EYA2: variants seen among roughly 807,000 people sequenced by gnomAD.
EYA2 encodes the protein EYA transcriptional coactivator and phosphatase 2.
Under a neutral mutation model 69.2 loss-of-function variants are expected in EYA2, and 31 were observed. That is an observed-to-expected ratio of 0.45 (90% CI 0.34 to 0.60). The LOEUF (loss-of-function observed/expected upper bound fraction) is 0.60. Ranked by LOEUF, EYA2 falls within the 20% of genes least tolerant of loss-of-function variation. EYA2 has a pLI of 0.02. For synonymous variants in EYA2, 257 were observed against 279.4 expected (o/e 0.92, Z 0.80); for missense variants, 622 against 701.2 (o/e 0.89, Z 1.28).
Position 47,026,732 on chromosome 20 carries a change from G to A in EYA2, c.415+10435G>A, listed in dbSNP as rs190993643. ...TAGATATAGGGTTATAGGGAGTGGT[G>A]GGAACTGTAGCAAATTAGAGACTAA... On this transcript the variant is annotated intron_variant, in intron 5 of 15. Coordinates refer to ENST00000327619, the MANE Select transcript of EYA2 (RefSeq NM_005244.5). Among the ~76,000 whole-genome samples the A allele has an allele frequency of 1.6e-3, 239 of 152,268 alleles. 1 individual carries two copies. The highest frequency in any genetic ancestry group is 5.6e-3 in the African/African-American group (231 of 41,536).
At chr20:47,173,625 G>A (rs2868849) in intron 12 of EYA2, among the ~76,000 whole-genome samples, 56,539 of 151,040 alleles carry the variant, frequency 0.37, 11,803 homozygotes, top group Non-Finnish European at 0.48. Flanking sequence ...TTGCTATGCT[G>A]CCCAGGCTGG....
chr20:47,101,493 CTG>C (rs2032421917), intron 9 of EYA2, among the ~76,000 whole-genome samples: 2 of 152,140 alleles, frequency 1.3e-5, no homozygotes, highest in African/African-American at 4.8e-5. Context: ...GCAAGGGAGT[CTG>C]TGAAATGTAC....
intron 1 of EYA2, among the ~76,000 whole-genome samples, chr20:46,968,641 G>T (rs181431829): frequency 3.3e-4 from 50 of 152,244 alleles, no homozygotes; most frequent in African/African-American, 1.2e-3. Context: ...TTGTTGTGGA[G>T]CTGTCCTGTG....
chr20:47,134,360 T>C (rs2033410697), intron 9 of EYA2, among the ~76,000 whole-genome samples: 1 of 152,158 alleles, frequency 6.6e-6, no homozygotes, highest in South Asian at 2.1e-4. Context: ...GCCAACACTT[T>C]CTCTTACAAG....
At chr20:46,987,805 T>C (rs1215362107) in intron 1 of EYA2, among the ~76,000 whole-genome samples, 3 of 151,156 alleles carry the variant, frequency 2.0e-5, no homozygotes, top group Non-Finnish European at 3.0e-5. Context: ...TGTGCACCTG[T>C]AATCTCAGCT....
At chr20:47,006,606 C>T (rs1284793098) in intron 4 of EYA2, among the ~76,000 whole-genome samples, 3 of 152,160 alleles carry the variant, frequency 2.0e-5, no homozygotes, top group Non-Finnish European at 2.9e-5. Flanking sequence ...ATACCTCTGC[C>T]CTGTTTGTTT....
At chr20:46,988,571 A>T (rs1360401658) in intron 1 of EYA2, among the ~76,000 whole-genome samples, 2 of 152,252 alleles carry the variant, frequency 1.3e-5, no homozygotes, top group Non-Finnish European at 2.9e-5. Context: ...CAATAAATTT[A>T]GCCTTTCTCT....
intron 12 of EYA2, among the ~76,000 whole-genome samples, chr20:47,179,049 C>A (rs561268996): frequency 6.6e-6 from 1 of 152,052 alleles, no homozygotes; most frequent in Admixed American, 6.6e-5. Context: ...CATAAGCACT[C>A]AAAAATGTTC....
chr20:47,007,586 A>C (rs1378086931), intron 4 of EYA2, among the ~76,000 whole-genome samples: 1 of 152,180 alleles, frequency 6.6e-6, no homozygotes, highest in African/African-American at 2.4e-5. Context: ...AATAGGATGC[A>C]ACTTAGGTGG....
At position 47,078,329 on chromosome 20, in the gene EYA2, G is replaced by GCACACACACA. The variant is rs11472681; in HGVS notation, c.661+3995_661+3996insACACACACAC. On this transcript the variant is annotated intron_variant, in intron 7 of 15. Coordinates refer to ENST00000327619, the MANE Select transcript of EYA2 (RefSeq NM_005244.5). ...TGCACATGTGCACGTGCGCGCGCGC[G>GCACACACACA]CGCACACACACACACACACACACAC... 6.0e-3 allele frequency among the ~76,000 whole-genome samples: 694 copies of GCACACACACA among 116,128 alleles called. 7 individuals are homozygous for GCACACACACA. Among genetic ancestry groups the GCACACACACA allele is most frequent in the East Asian group, 0.012 (53 of 4,282 alleles). 76.2% of individuals were successfully genotyped at this position (116,128 alleles called of 152,430 possible). A position where few individuals can be genotyped will look rare whatever the true frequency, so the allele number is the denominator to read the frequency against.
chr20:46,984,538 G>C (rs2146318128), intron 1 of EYA2, among the ~76,000 whole-genome samples: 1 of 152,264 alleles, frequency 6.6e-6, no homozygotes, highest in Non-Finnish European at 1.5e-5. Flanking sequence ...ATGAGTTATT[G>C]CTTTCCATGC....
In EYA2 at chr20:46,990,131, G is replaced by A. The variant is rs148504788; in HGVS notation, c.109+12G>A. On this transcript the variant is annotated intron_variant, in intron 2 of 15. Transcript: ENST00000327619. Reference sequence around the variant, plus strand: ...GAGTGACAGACAAGGTAGGCTTCCTGCTGTGAGTTTGGGTCAACAGGTGTG... The same window carrying A: ...GAGTGACAGACAAGGTAGGCTTCCTACTGTGAGTTTGGGTCAACAGGTGTG... 2.7e-5 allele frequency: 41 copies of A among 1,536,380 alleles called. No homozygotes were observed. The African/African-American group carries it at 4.6e-4, about 17-fold the overall frequency.
At chr20:47,125,884 GT>G (rs3838024) in intron 9 of EYA2, among the ~76,000 whole-genome samples, 1 of 151,328 alleles carries the variant, frequency 6.6e-6, no homozygotes, top group African/African-American at 2.4e-5. Flanking sequence ...GTTTGTGTGT[GT>G]TTTTTTTTCT....
intron 5 of EYA2, among the ~76,000 whole-genome samples, chr20:47,064,725 G>A (rs778260031): frequency 6.6e-6 from 1 of 152,140 alleles, no homozygotes; most frequent in Non-Finnish European, 1.5e-5. Context: ...CCAGACACTC[G>A]TGTTGGGTCA....
intron 7 of EYA2, among the ~76,000 whole-genome samples, chr20:47,081,088 G>A (rs2031695749): frequency 6.6e-6 from 1 of 152,044 alleles, no homozygotes; most frequent in African/African-American, 2.4e-5. Context: ...GGCCATGATT[G>A]TGAGGCTTCC....
chr20:47,108,976 A>G (rs1389903870), intron 9 of EYA2, among the ~76,000 whole-genome samples: 1 of 151,980 alleles, frequency 6.6e-6, no homozygotes, highest in Non-Finnish European at 1.5e-5. Flanking sequence ...GAAAGACTGA[A>G]CTGGTCTTTC....
At chr20:47,044,987 G>C (rs1281150618) in intron 5 of EYA2, among the ~76,000 whole-genome samples, 1 of 152,228 alleles carries the variant, frequency 6.6e-6, no homozygotes, top group East Asian at 1.9e-4. Flanking sequence ...AAGAGTACAA[G>C]GGGCTTTGAG....
intron 10 of EYA2, among the ~76,000 whole-genome samples, chr20:47,159,785 T>C (rs967207509): frequency 1.3e-5 from 2 of 151,766 alleles, no homozygotes; most frequent in East Asian, 2.0e-4. Flanking sequence ...TGGTCAGGAG[T>C]TCGAGACCAG....
At chr20:47,045,408 C>T (rs904347132) in intron 5 of EYA2, among the ~76,000 whole-genome samples, 15 of 152,190 alleles carry the variant, frequency 9.9e-5, no homozygotes. Flanking sequence ...TCATTTCTGC[C>T]ACATGCTGTT....
Sources: allele counts gnomAD v4.1 joint callset (sites outside exome capture counted in the v4.1 genomes callset), GRCh38; gene constraint gnomAD v4.1.1; transcripts MANE v1.5; gene names NCBI Gene and HGNC (gene_info 2026-07-23, HGNC 2026-07-21).